PDE10A: variants seen among roughly 807,000 people sequenced by gnomAD.
The protein encoded by PDE10A is phosphodiesterase 10A.
In PDE10A, 39 loss-of-function variants were observed where a neutral mutation model predicts 97.7. The observed-to-expected ratio is 0.40, with a 90% CI of 0.31 to 0.52. The LOEUF (loss-of-function observed/expected upper bound fraction) is 0.52, where lower values mean the gene tolerates loss of function less well. PDE10A is among the 20% of genes least tolerant of loss of function. PDE10A has a pLI of 0.56. For missense variants in PDE10A, 731 were observed against 1,047.8 expected (o/e 0.70, Z 4.17); for synonymous variants, 371 against 376.8 (o/e 0.98, Z 0.18).
At chr6:165,728,268 C>T (rs1337823550) in intron 1 of PDE10A, among the ~76,000 whole-genome samples, 1 of 152,160 alleles carries the variant, frequency 6.6e-6, no homozygotes, top group Non-Finnish European at 1.5e-5. Context: ...CTTTTCTGTG[C>T]ACCTTCAGAG....
rs1461581705 is a variant in PDE10A, at chr6:165,691,112, C to CA, written c.-614-147545_-614-147544insT. 1.2e-3 allele frequency among the ~76,000 whole-genome samples: 93 copies of CA among 76,498 alleles called. 15 individuals carry two copies. Among genetic ancestry groups the CA allele is most frequent in the Non-Finnish European group, 1.8e-3 (64 of 36,022 alleles). The allele number at this position is 76,498 out of a possible 152,430, so 50.2% of individuals were successfully genotyped here. ...CTCTCTCTCTCTTTCTCTCTCCCCC[C>CA]CCCCATCAGTGCCTGTGGTCACATA... On this transcript the variant is annotated intron_variant, in intron 1 of 19. Transcript: ENST00000366882.
At chr6:165,381,631 A>ATTTTTTTTTTTTTT (rs547827126) in intron 17 of PDE10A, among the ~76,000 whole-genome samples, 5 of 118,684 alleles carry the variant, frequency 4.2e-5, no homozygotes, top group African/African-American at 6.7e-5. Flanking sequence ...CACCTGGCTA[A>ATTTTTTTTTTTTTT]TTTTTTTTTT....
At position 165,661,337 on chromosome 6, in the gene PDE10A, T is replaced by G. The variant is rs1388530706; in HGVS notation, c.865+610A>C. The G allele has an allele frequency of 1.3e-5, 2 of 151,964 alleles. No homozygotes were observed. Among genetic ancestry groups the G allele is most frequent in the African/African-American group, 2.4e-5 (1 of 41,334 alleles). 9.4% of individuals were successfully genotyped at this position (151,964 alleles called of 1,614,324 possible). On this transcript the variant is annotated intron_variant, in intron 1 of 21. Transcript: ENST00000539869. This position sits in a 1 kb window ranked among gnomAD's most constrained non-coding sequence, Gnocchi z 4.8. ...CCGGGGTGGGGGTGCGTCCCCTGGG[T>G]GGAGGTGCAACCGTTTCCACCCCGC...
At chr6:165,411,603 C>T (rs6931475) in intron 13 of PDE10A, among the ~76,000 whole-genome samples, 199 of 152,280 alleles carry the variant, frequency 1.3e-3, no homozygotes, top group Middle Eastern at 6.8e-3. Flanking sequence ...ATTACAGTGG[C>T]CCTAGCAAGC....
At chr6:165,505,065 G>A (rs1314816408) in intron 2 of PDE10A, among the ~76,000 whole-genome samples, 1 of 152,122 alleles carries the variant, frequency 6.6e-6, no homozygotes, top group Non-Finnish European at 1.5e-5. Flanking sequence ...GTGAAATTCT[G>A]GGGCCTAAAA....
At chr6:165,394,281 C>T (rs376279674) in intron 15 of PDE10A, among the ~76,000 whole-genome samples, 3 of 152,186 alleles carry the variant, frequency 2.0e-5, no homozygotes, top group African/African-American at 4.8e-5. Flanking sequence ...TATGTTCTCA[C>T]TGTTCAACTT....
intron 10 of PDE10A, among the ~76,000 whole-genome samples, chr6:165,420,221 T>C (rs763405176): frequency 2.6e-5 from 4 of 152,210 alleles, no homozygotes; most frequent in Non-Finnish European, 5.9e-5. Context: ...ATAACATTTT[T>C]ATTGGGACAT....
chr6:165,824,328 G>C (rs897609939), intron 1 of PDE10A, among the ~76,000 whole-genome samples: 4 of 152,184 alleles, frequency 2.6e-5, no homozygotes, highest in Admixed American at 6.5e-5. Flanking sequence ...TCAACAAAAA[G>C]TTCAATCCCC....
chr6:165,468,837 A>G (rs1778818184), intron 3 of PDE10A, among the ~76,000 whole-genome samples: 1 of 152,222 alleles, frequency 6.6e-6, no homozygotes, highest in African/African-American at 2.4e-5. Flanking sequence ...TCTTTTTTAC[A>G]CAATGAAGAA....
At chr6:165,625,621 T>C (rs146563582) in intron 1 of PDE10A, among the ~76,000 whole-genome samples, 23 of 152,256 alleles carry the variant, frequency 1.5e-4, no homozygotes, top group Non-Finnish European at 2.2e-4. Context: ...AATTGCATCA[T>C]GAGGGTGGGT....
intron 1 of PDE10A, among the ~76,000 whole-genome samples, chr6:165,953,448 G>T (rs557143452): frequency 6.6e-6 from 1 of 151,996 alleles, no homozygotes; most frequent in African/African-American, 2.4e-5. Flanking sequence ...AAAATTAGCC[G>T]GGTGTGGTGG....
In PDE10A at chr6:165,657,959, T is replaced by C. The variant is rs531167284; in HGVS notation, c.865+3988A>G. Among the ~76,000 whole-genome samples the C allele has an allele frequency of 3.9e-5, 6 of 152,298 alleles. 1 individual carries two copies. Among genetic ancestry groups the C allele is most frequent in the African/African-American group, 1.4e-4 (6 of 41,572 alleles). ...TGTCCATAGCTATATTTCAAGTCCT[T>C]TGGGGTACCTGTTATCATTATTTTA... On this transcript the variant is annotated intron_variant, in intron 1 of 21. Coordinates refer to ENST00000539869, the MANE Select transcript of PDE10A (RefSeq NM_001385079.1).
intron 4 of PDE10A, among the ~76,000 whole-genome samples, chr6:165,449,545 T>C (rs1233757039): frequency 1.3e-5 from 2 of 152,158 alleles, no homozygotes; most frequent in African/African-American, 4.8e-5. Flanking sequence ...TTGGGTAAGA[T>C]GTTTAACCTC....
At chr6:165,806,042 TAAA>T (rs67104260) in intron 1 of PDE10A, among the ~76,000 whole-genome samples, 2,847 of 73,056 alleles carry the variant, frequency 0.039, 50 homozygotes, top group Middle Eastern at 0.12. Context: ...GCTTGATTAT[TAAA>T]AAAAAAAAAA....
At chr6:165,664,267 T>G (rs903101254), upstream of PDE10A, among the ~76,000 whole-genome samples, 5 of 152,104 alleles carry the variant, frequency 3.3e-5, no homozygotes, top group African/African-American at 1.2e-4. Flanking sequence ...CCTCCACGTT[T>G]TCTTCTTTCT....
chr6:165,776,297 A>G (rs1018070645), intron 1 of PDE10A, among the ~76,000 whole-genome samples: 6 of 152,372 alleles, frequency 3.9e-5, no homozygotes, highest in Admixed American at 6.5e-5. Context: ...AAGAAAATTT[A>G]AGAACATTAA....
At chr6:165,907,460 T>A (rs1782324212) in intron 1 of PDE10A, among the ~76,000 whole-genome samples, 2 of 152,336 alleles carry the variant, frequency 1.3e-5, no homozygotes, top group Admixed American at 1.3e-4. Flanking sequence ...TCAGAGACAC[T>A]CTCTGTGCAT....
At chr6:165,908,479 G>T (rs982855127) in intron 1 of PDE10A, among the ~76,000 whole-genome samples, 1 of 152,174 alleles carries the variant, frequency 6.6e-6, no homozygotes, top group South Asian at 2.1e-4. Context: ...CTAAATGTGG[G>T]TTCCATTCAC....
intron 2 of PDE10A, among the ~76,000 whole-genome samples, chr6:165,521,373 T>C (rs538842967): frequency 1.3e-5 from 2 of 152,170 alleles, no homozygotes; most frequent in African/African-American, 2.4e-5. Context: ...AAGAGTCACA[T>C]ACCTCTAACT....
Sources: gnomAD v4.1 joint callset for allele counts (sites outside exome capture counted in the v4.1 genomes callset) on GRCh38, gnomAD v4.1.1 for gene constraint, Gnocchi (gnomAD v3.1) non-coding constraint, MANE v1.5 for transcripts, NCBI Gene and HGNC (gene_info 2026-07-23, HGNC 2026-07-21) for gene names.